The following ABCA13 variants were observed in gnomAD, a reference collection of about 807,000 sequenced individuals.
ABCA13 encodes the protein ATP binding cassette subfamily A member 13.
In ABCA13, 476 loss-of-function variants were observed where a neutral mutation model predicts 478.7. That is an observed-to-expected ratio of 0.99 (90% CI 0.92 to 1.07). The LOEUF (loss-of-function observed/expected upper bound fraction) is 1.07, where lower values mean the gene tolerates loss of function less well. Among genes scored for constraint, ABCA13 ranks in the 50% least tolerant of loss-of-function variants. ABCA13 has a pLI of 0.00. For synonymous variants in ABCA13, 2,252 were observed against 2,158.9 expected (o/e 1.04, Z -1.20); for missense variants, 6,060 against 5,910.6 (o/e 1.03, Z -0.83).
intron 3 of ABCA13, among the ~76,000 whole-genome samples, chr7:48,200,738 C>T (rs903433691): frequency 2.9e-4 from 44 of 152,178 alleles, no homozygotes; most frequent in African/African-American, 9.9e-4. Flanking sequence ...TGGTTTCAGA[C>T]TCAGCCACTT....
Position 48,392,107 on chromosome 7 carries a change from G to T in ABCA13, c.11841G>T (p.Trp3947Cys), listed in dbSNP as rs755317923. Residue 3947 changes from tryptophan (W) to cysteine (C), a missense_variant, in exon 38 of 62, where the codon TGG becomes TGT. Physicochemically the swap from Trp to Cys is radical, Grantham distance 215. Transcript: ENST00000435803. ...LLFASIKAPQ[W>C]TKKELHQQVN... ...TTGCTTCCATAAAGGCGCCTCAGTG[G>T]ACCAAGAAGGAGCTGCATCAGCAAG... 1.9e-6 allele frequency: 3 copies of T among 1,613,872 alleles called. No homozygotes were observed. The highest frequency in any genetic ancestry group is 2.5e-6 in the Non-Finnish European group (3 of 1,179,866).
chr7:48,305,193 C>A (rs1800717136), intron 23 of ABCA13, among the ~76,000 whole-genome samples: 1 of 152,174 alleles, frequency 6.6e-6, no homozygotes, highest in Non-Finnish European at 1.5e-5. Flanking sequence ...ATTGTCATCC[C>A]TGGTTGTATA....
intron 55 of ABCA13, among the ~76,000 whole-genome samples, chr7:48,529,595 C>T (rs1388067233): frequency 2.0e-5 from 3 of 152,108 alleles, no homozygotes; most frequent in African/African-American, 7.2e-5. Flanking sequence ...ATGTTCTTGA[C>T]CCTAGTTTTG....
At chr7:48,356,586 T>C (rs1339710149) in intron 31 of ABCA13, among the ~76,000 whole-genome samples, 2 of 151,852 alleles carry the variant, frequency 1.3e-5, no homozygotes, top group Non-Finnish European at 1.5e-5. Context: ...TCTATTTAAC[T>C]AAAAATTTTC....
chr7:48,227,135 A>G, intron 5 of ABCA13, 127 bp from the exon 6 acceptor site: 2 of 832,668 alleles, frequency 2.4e-6, no homozygotes, highest in Non-Finnish European at 3.9e-6. Context: ...ATGTAGTGAT[A>G]TATTAAGTGT....
At chr7:48,200,345 TGACAGAGCGA>T (rs1798498369) in intron 3 of ABCA13, among the ~76,000 whole-genome samples, 2 of 152,158 alleles carry the variant, frequency 1.3e-5, no homozygotes, top group Admixed American at 1.3e-4. Flanking sequence ...CCAGCCTGGG[TGACAGAGCGA>T]GACTCATTCT....
chr7:48,629,448 G>A (rs1239099872), intron 59 of ABCA13, among the ~76,000 whole-genome samples: 2 of 151,980 alleles, frequency 1.3e-5, no homozygotes, highest in Non-Finnish European at 2.9e-5. Context: ...AAATGCGTGT[G>A]TGAGTGTGTA....
At chr7:48,351,971 G>A (rs529559440) in intron 30 of ABCA13, among the ~76,000 whole-genome samples, 3 of 152,318 alleles carry the variant, frequency 2.0e-5, no homozygotes, top group South Asian at 4.1e-4. Context: ...ACTGGACAGG[G>A]AATTAAGAGA....
Position 48,507,971 on chromosome 7 carries a change from G to T in ABCA13, c.13446G>T (p.Val4482=), listed in dbSNP as rs1159549442. The T allele has an allele frequency of 6.2e-7, 1 of 1,613,726 alleles. No individual in the cohort carries two copies. Among genetic ancestry groups the T allele is most frequent in the African/African-American group, 1.3e-5 (1 of 74,924 alleles). ...GCAGCTCTGTGGTGAGGGACAGGGT[G>T]ATTGGAGCCAAAAGGTTGCAGCACA... is the stretch of plus-strand genomic sequence containing the variant. The part of the protein sequence containing the change: ...SIGSSVVRDR[V]IGAKRLQHIS... The change falls in exon 50 of 62, where the codon GTG becomes GTT. Residue 4482 remains valine, a synonymous_variant. Coordinates refer to ENST00000435803, the MANE Select transcript of ABCA13 (RefSeq NM_152701.5).
chr7:48,389,440 A>C (rs1307465158), intron 37 of ABCA13, among the ~76,000 whole-genome samples: 1 of 152,204 alleles, frequency 6.6e-6, no homozygotes, highest in African/African-American at 2.4e-5. Context: ...CCTGGGGCTC[A>C]GTCAAAGGGG....
chr7:48,359,997 G>T (rs1810564062), intron 31 of ABCA13, among the ~76,000 whole-genome samples: 1 of 152,050 alleles, frequency 6.6e-6, no homozygotes. Context: ...AAGGCTTAAA[G>T]AAGTAAGAGA....
At chr7:48,557,259 G>T (rs913628126) in intron 55 of ABCA13, among the ~76,000 whole-genome samples, 1 of 151,724 alleles carries the variant, frequency 6.6e-6, no homozygotes, top group Non-Finnish European at 1.5e-5. Context: ...ATAATATTCT[G>T]TATTTTTCTG....
intron 55 of ABCA13, among the ~76,000 whole-genome samples, chr7:48,567,980 A>C (rs1446735626): frequency 2.0e-5 from 3 of 152,150 alleles, no homozygotes; most frequent in Non-Finnish European, 4.4e-5. Flanking sequence ...TCCATAGAGC[A>C]TGTGTGTGTT....
At chr7:48,353,225 G>C (rs1438756581) in intron 31 of ABCA13, among the ~76,000 whole-genome samples, 1 of 151,682 alleles carries the variant, frequency 6.6e-6, no homozygotes, top group South Asian at 2.1e-4. Flanking sequence ...GAGCCGTATT[G>C]CTGTGGGCTG....
chr7:48,601,432 C>T (rs1281542759), intron 58 of ABCA13, among the ~76,000 whole-genome samples: 1 of 151,978 alleles, frequency 6.6e-6, no homozygotes, highest in Non-Finnish European at 1.5e-5. Flanking sequence ...GTCCATGTGT[C>T]CTCATTGTTC....
At chr7:48,611,760 G>A (rs986666438) in intron 58 of ABCA13, among the ~76,000 whole-genome samples, 3 of 152,092 alleles carry the variant, frequency 2.0e-5, no homozygotes, top group African/African-American at 7.2e-5. Context: ...TTTTGGTGGG[G>A]ACACCAACAC....
intron 59 of ABCA13, among the ~76,000 whole-genome samples, chr7:48,634,231 A>G (rs1405776601): frequency 1.3e-5 from 2 of 152,036 alleles, no homozygotes; most frequent in African/African-American, 4.8e-5. Flanking sequence ...TTCTTAAGAG[A>G]CATTGGTCTG....
Position 48,544,613 on chromosome 7 carries a change from G to T in ABCA13, c.14354+16268G>T, listed in dbSNP as rs905726046. On this transcript the variant is annotated intron_variant, in intron 55 of 61. Transcript: ENST00000435803. ...GGGTGGTTCCCAGAGAGGGATGGAA[G>T]CTCCATACCCCTTCCCACATGCTTT... Among the ~76,000 whole-genome samples the T allele has an allele frequency of 5.3e-5, 8 of 151,886 alleles. 1 individual carries two copies. Among genetic ancestry groups the T allele is most frequent in the Non-Finnish European group, 8.8e-5 (6 of 67,872 alleles).
chr7:48,540,691 G>C (rs1033985052), intron 55 of ABCA13, among the ~76,000 whole-genome samples: 26 of 152,040 alleles, frequency 1.7e-4, no homozygotes, highest in African/African-American at 6.3e-4. Flanking sequence ...CTAAAACAGG[G>C]CTCTTTTACT....
Sources: gnomAD v4.1 joint callset for allele counts (sites outside exome capture counted in the v4.1 genomes callset) on GRCh38, gnomAD v4.1.1 for gene constraint, MANE v1.5 for transcripts, NCBI Gene and HGNC (gene_info 2026-07-23, HGNC 2026-07-21) for gene names.